Variants in AUTS2 observed in about 807,000 individuals in gnomAD.
AUTS2 encodes the protein activator of transcription and developmental regulator AUTS2.
In AUTS2, 17 loss-of-function variants were observed where a neutral mutation model predicts 112.4. The ratio of observed to expected loss-of-function variants is 0.15; its 90% CI spans 0.10 to 0.23. The LOEUF is 0.23. Ranked by LOEUF, AUTS2 falls within the 10% of genes least tolerant of loss-of-function variation. The pLI, the probability that AUTS2 is intolerant of heterozygous loss-of-function variation, is 1.00. For missense variants in AUTS2, 1,510 were observed against 1,701.6 expected, an observed-to-expected ratio of 0.89 and a Z score of 1.98; for synonymous variants, 751 against 702.7, an observed-to-expected ratio of 1.07 and a Z score of -1.09.
chr7:70,344,512 A>T (rs1428322017), intron 4 of AUTS2, among the ~76,000 whole-genome samples: 1 of 152,148 alleles, frequency 6.6e-6, no homozygotes, highest in Non-Finnish European at 1.5e-5. Context: ...TGAGAACTGG[A>T]GTTTTTAAAA....
At chr7:69,602,375 A>G (rs907407347) in intron 1 of AUTS2, among the ~76,000 whole-genome samples, 1 of 152,124 alleles carries the variant, frequency 6.6e-6, no homozygotes, top group African/African-American at 2.4e-5. Context: ...TCATATCTAA[A>G]TATCATATGT....
At chr7:70,004,618 G>C (rs1799457748) in intron 2 of AUTS2, among the ~76,000 whole-genome samples, 1 of 151,102 alleles carries the variant, frequency 6.6e-6, no homozygotes, top group Non-Finnish European at 1.5e-5. Flanking sequence ...CAGCAAGGAA[G>C]AACTGGGAAT....
intron 4 of AUTS2, among the ~76,000 whole-genome samples, chr7:70,141,445 G>C (rs1806858310): frequency 6.6e-6 from 1 of 152,170 alleles, no homozygotes. Context: ...ATTTAAGTGT[G>C]TATTTAAGTG....
At chr7:70,472,975 A>G (rs1010986268) in intron 5 of AUTS2, among the ~76,000 whole-genome samples, 7 of 152,224 alleles carry the variant, frequency 4.6e-5, no homozygotes, top group African/African-American at 1.2e-4. Context: ...TACAAGATGT[A>G]TGTCCTTCCT....
chr7:70,603,090 A>C (rs373583729), intron 5 of AUTS2, among the ~76,000 whole-genome samples: 1 of 152,196 alleles, frequency 6.6e-6, no homozygotes, highest in Non-Finnish European at 1.5e-5. Flanking sequence ...AGATTTCTGC[A>C]TACTTCTCTT....
At chr7:70,262,346 C>T (rs555580191) in intron 4 of AUTS2, among the ~76,000 whole-genome samples, 2 of 152,196 alleles carry the variant, frequency 1.3e-5, no homozygotes, top group South Asian at 4.2e-4. Context: ...CCTGCCACCA[C>T]ACCCAACCAA....
At chr7:69,727,953 A>G (rs1786598932) in intron 1 of AUTS2, among the ~76,000 whole-genome samples, 2 of 152,190 alleles carry the variant, frequency 1.3e-5, no homozygotes, top group Non-Finnish European at 2.9e-5. Flanking sequence ...AAATGAACAG[A>G]ATCTCGTTCA....
intron 11 of AUTS2, among the ~76,000 whole-genome samples, chr7:70,773,427 A>G (rs1790487833): frequency 6.6e-6 from 1 of 152,212 alleles, no homozygotes; most frequent in African/African-American, 2.4e-5. Context: ...TGGTGGGAAT[A>G]GGTAAGAGCA....
chr7:69,998,359 T>TA (rs112941250), intron 2 of AUTS2, among the ~76,000 whole-genome samples: 146 of 145,880 alleles, frequency 1.0e-3, no homozygotes, highest in East Asian at 2.0e-3. Flanking sequence ...ATATTCACAT[T>TA]AAAAAAAAAA....
chr7:70,045,875 C>A (rs60183081), intron 2 of AUTS2, among the ~76,000 whole-genome samples: 129 of 150,878 alleles, frequency 8.5e-4, no homozygotes, highest in African/African-American at 3.1e-3. Flanking sequence ...ATCCGCCTGC[C>A]TCGGCCTCCC....
chr7:70,677,065 C>T (rs1322243521), intron 5 of AUTS2, among the ~76,000 whole-genome samples: 1 of 152,162 alleles, frequency 6.6e-6, no homozygotes, highest in Non-Finnish European at 1.5e-5. Flanking sequence ...CCTAAATCAG[C>T]GATCCACCTG....
intron 6 of AUTS2, among the ~76,000 whole-genome samples, chr7:70,760,221 G>T (rs554526520): frequency 2.0e-5 from 3 of 152,286 alleles, no homozygotes; most frequent in Non-Finnish European, 2.9e-5. Flanking sequence ...TAGCCAGGAT[G>T]GTCTCGATCT....
intron 5 of AUTS2, among the ~76,000 whole-genome samples, chr7:70,525,346 T>C (rs902432564): frequency 4.6e-5 from 7 of 152,252 alleles, no homozygotes; most frequent in African/African-American, 1.4e-4. Context: ...CCAGAGGCCC[T>C]TTCCTTGTTA....
At chr7:69,743,439 TA>T (rs1358272785) in intron 1 of AUTS2, among the ~76,000 whole-genome samples, 1 of 152,238 alleles carries the variant, frequency 6.6e-6, no homozygotes, top group East Asian at 1.9e-4. Flanking sequence ...ATATAATTTA[TA>T]TCACTTATTC....
chr7:70,102,026 G>A lies in AUTS2; in HGVS notation c.523-16106G>A, dbSNP rs184433699. ...AATAGCTTTACGTATTCGTTCAACCGTAACATTTTGGTTTAAAGACTTCAT... is the reference window on the plus strand; with the variant it reads ...AATAGCTTTACGTATTCGTTCAACCATAACATTTTGGTTTAAAGACTTCAT... On this transcript the variant is annotated intron_variant, in intron 2 of 18. Transcript: ENST00000342771. Among the ~76,000 whole-genome samples the A allele has an allele frequency of 4.6e-5, 7 of 151,680 alleles. No individual in the cohort carries two copies. In the South Asian group the frequency reaches 6.3e-4, roughly 14 times the overall value.
intron 2 of AUTS2, among the ~76,000 whole-genome samples, chr7:69,946,279 T>TG (rs1264857837): frequency 1.3e-5 from 2 of 152,096 alleles, no homozygotes; most frequent in African/African-American, 2.4e-5. Flanking sequence ...TTTCCAATGG[T>TG]GTGTAGTAAA....
At chr7:69,810,109 C>T (rs1309425412) in intron 1 of AUTS2, among the ~76,000 whole-genome samples, 2 of 152,184 alleles carry the variant, frequency 1.3e-5, no homozygotes, top group Non-Finnish European at 2.9e-5. Flanking sequence ...CACACATGTT[C>T]CAGCGTCCAG....
chr7:70,628,928 G>C (rs564397333), intron 5 of AUTS2, among the ~76,000 whole-genome samples: 11 of 152,194 alleles, frequency 7.2e-5, no homozygotes, highest in African/African-American at 2.4e-4. Flanking sequence ...GCAGACATTG[G>C]GGGGAAGTGG....
intron 4 of AUTS2, among the ~76,000 whole-genome samples, chr7:70,237,858 G>A (rs1015785451): frequency 1.1e-4 from 17 of 152,190 alleles, no homozygotes; most frequent in Middle Eastern, 3.4e-3. Flanking sequence ...TTATCCCCTC[G>A]GCACATACTT....
Sources: allele counts gnomAD v4.1 joint callset (sites outside exome capture counted in the v4.1 genomes callset), GRCh38; gene constraint gnomAD v4.1.1; transcripts MANE v1.5; gene names NCBI Gene and HGNC (gene_info 2026-07-23, HGNC 2026-07-21).